TSGA10: variants seen among roughly 807,000 people sequenced by gnomAD.
The protein encoded by TSGA10 is testis specific 10.
A neutral mutation model predicts 96.6 loss-of-function variants in TSGA10; 43 were observed. The ratio of observed to expected loss-of-function variants is 0.44; its 90% CI spans 0.35 to 0.57. The LOEUF is 0.57. TSGA10 is among the 20% of genes least tolerant of loss of function. TSGA10 has a pLI of 0.01. For synonymous variants in TSGA10, 229 were observed against 269.9 expected (o/e 0.85, Z 1.48); for missense variants, 703 against 834.4 (o/e 0.84, Z 1.94).
At chr2:99,143,011 A>G (rs1291730474) in intron 1 of TSGA10, among the ~76,000 whole-genome samples, 1 of 151,398 alleles carries the variant, frequency 6.6e-6, no homozygotes, top group Non-Finnish European at 1.5e-5. Context: ...GGGTGAAAAG[A>G]TTTTCCTTTT....
At chr2:99,127,864 T>C (rs2092910108) in intron 1 of TSGA10, among the ~76,000 whole-genome samples, 1 of 152,224 alleles carries the variant, frequency 6.6e-6, no homozygotes, top group South Asian at 2.1e-4. Context: ...ACATAGCTTC[T>C]GTTCAAATAA....
intron 10 of TSGA10, among the ~76,000 whole-genome samples, chr2:99,098,480 A>G (rs1025266299): frequency 1.3e-5 from 2 of 150,852 alleles, no homozygotes; most frequent in Non-Finnish European, 3.0e-5. Flanking sequence ...AGAAAAAAGA[A>G]AAAAAGGCCT....
chr2:99,127,027 T>C, intron 2 of TSGA10, 21 bp downstream of exon 2: 1 of 1,284,742 alleles, frequency 7.8e-7, no homozygotes, highest in Non-Finnish European at 1.0e-6. Flanking sequence ...GTCAGGAAAA[T>C]ATGTTGTAAC....
At chr2:99,126,800 C>G (rs2092851773) in intron 2 of TSGA10, 1 of 184,548 alleles carries the variant, frequency 5.4e-6, no homozygotes, top group South Asian at 9.8e-5. Flanking sequence ...CACTTTTTCG[C>G]AAGTTGGGGA....
rs1206924095 is a variant in TSGA10, at chr2:99,068,982, A to C, written c.1124T>G (p.Leu375Trp). Residue 375 changes from leucine to tryptophan, a missense_variant, in exon 15 of 21, where the codon TTG becomes TGG. Around this residue, in one of 3 missense-constraint regions of TSGA10, gnomAD observed 585 missense variants for 656.8 expected, o/e 0.89. Transcript: ENST00000393483. Reference protein sequence around the residue: ...KQENQALSKKLNDTHNELNDI... With the variant: ...KQENQALSKKWNDTHNELNDI... ...ATTAAGTTCATTATGAGTGTCATTC[A>C]ATTTTTTGGACAGTGCCTACGAAAA... is the stretch of plus-strand genomic sequence containing the variant. 1.4e-6 allele frequency: 2 copies of C among 1,464,008 alleles called. No homozygotes were observed. The highest frequency in any genetic ancestry group is 2.7e-5 in the Admixed American group (1 of 36,928). The allele number at this position is 1,464,008 out of a possible 1,614,324, so 90.7% of individuals were successfully genotyped here. A position where few individuals can be genotyped will look rare whatever the true frequency, so the allele number is the denominator to read the frequency against.
chr2:99,006,087 T>C (rs1251274050), intron 20 of TSGA10, among the ~76,000 whole-genome samples: 7 of 152,238 alleles, frequency 4.6e-5, no homozygotes, highest in Admixed American at 1.3e-4. Flanking sequence ...ACTGGCTAGC[T>C]GTATGTAGAA....
At chr2:99,077,462 GATATTTGT>G (rs2086853586) in intron 12 of TSGA10, among the ~76,000 whole-genome samples, 1 of 152,178 alleles carries the variant, frequency 6.6e-6, no homozygotes, top group Admixed American at 6.5e-5. Context: ...TTTTGCTTAA[GATATTTGT>G]GAAAACAGCT....
intron 2 of TSGA10, among the ~76,000 whole-genome samples, chr2:99,119,020 A>C (rs1288838011): frequency 1.3e-5 from 2 of 152,166 alleles, no homozygotes; most frequent in African/African-American, 4.8e-5. Context: ...CAGAAGTTTC[A>C]GTCTGTAAGG....
intron 7 of TSGA10, among the ~76,000 whole-genome samples, chr2:99,107,335 CA>C (rs910088183): frequency 3.7e-4 from 56 of 152,076 alleles, no homozygotes; most frequent in African/African-American, 1.3e-3. Flanking sequence ...TCAATTCTCT[CA>C]AAGGAGAAAT....
intron 20 of TSGA10, among the ~76,000 whole-genome samples, chr2:99,002,147 T>C (rs1182170046): frequency 6.6e-6 from 1 of 152,138 alleles, no homozygotes; most frequent in African/African-American, 2.4e-5. Flanking sequence ...GCTACAAAGA[T>C]ACTCCTCGAG....
intron 16 of TSGA10, among the ~76,000 whole-genome samples, chr2:99,037,087 T>A (rs2081698067): frequency 6.6e-6 from 1 of 152,118 alleles, no homozygotes; most frequent in Non-Finnish European, 1.5e-5. Flanking sequence ...AACTGACAGA[T>A]CAAGCAGGCA....
intron 5 of TSGA10, among the ~76,000 whole-genome samples, chr2:99,110,297 C>T (rs2091685754): frequency 6.6e-6 from 1 of 152,170 alleles, no homozygotes; most frequent in Non-Finnish European, 1.5e-5. Context: ...CACAAATTTG[C>T]ATTCACTTTC....
At chr2:99,044,890 A>C (rs1174430555) in intron 16 of TSGA10, among the ~76,000 whole-genome samples, 1 of 152,182 alleles carries the variant, frequency 6.6e-6, no homozygotes, top group East Asian at 1.9e-4. Flanking sequence ...TCAAAACCGC[A>C]CAACTACATG....
At chr2:99,080,115 ACTT>A (rs1351125963) in intron 11 of TSGA10, among the ~76,000 whole-genome samples, 3 of 152,142 alleles carry the variant, frequency 2.0e-5, no homozygotes, top group Non-Finnish European at 4.4e-5. Flanking sequence ...TAATAGCCAA[ACTT>A]CTTGAGAGAC....
chr2:99,020,373 C>T lies in TSGA10; in HGVS notation c.1724G>A (p.Arg575Gln), dbSNP rs368503596. ...QNLEALLVAN[R>Q]DKEYQSQIAL... ...TATCTGAGACTGATATTCTTTGTCT[C>T]GATTGGCCACCAGCAAAGCTTCTAG... The change falls in exon 18 of 21, where the codon CGA (arginine) becomes CAA (glutamine). Residue 575 changes from arginine (R) to glutamine (Q), a missense_variant. Arg to Gln is a conservative substitution (Grantham distance 43). This residue lies in a region of TSGA10 where 49 missense variants were observed against 96.4 expected (regional missense o/e 0.51). Transcript: ENST00000393483. 24 of 1,613,866 alleles carry T rather than the reference C, an allele frequency of 1.5e-5. No individual in the cohort carries two copies. The highest frequency in any genetic ancestry group is 1.7e-4 in the Middle Eastern group (1 of 6,058).
At chr2:99,013,965 CAACATGGTG>C (rs2079251865) in intron 20 of TSGA10, among the ~76,000 whole-genome samples, 1 of 151,998 alleles carries the variant, frequency 6.6e-6, no homozygotes, top group South Asian at 2.1e-4. Context: ...CCAGCCTGGA[CAACATGGTG>C]AAACCCTGAC....
chr2:99,037,379 A>C (rs908711377), intron 16 of TSGA10, among the ~76,000 whole-genome samples: 1 of 152,212 alleles, frequency 6.6e-6, no homozygotes, highest in Non-Finnish European at 1.5e-5. Context: ...AAATTTAACA[A>C]CATACTTCTA....
intron 1 of TSGA10, chr2:99,150,639 A>G (rs753167451): frequency 3.7e-6 from 6 of 1,614,110 alleles, no homozygotes; most frequent in Non-Finnish European, 5.1e-6. Context: ...ACTTAATACG[A>G]GGGACTGAAA....
chr2:99,122,615 CAAAAAAAAAAA>C (rs148224475), intron 2 of TSGA10, among the ~76,000 whole-genome samples: 4 of 53,272 alleles, frequency 7.5e-5, no homozygotes, highest in Admixed American at 4.6e-4. Flanking sequence ...CCATCTCTAC[CAAAAAAAAAAA>C]AAAAAAAAAA....
Sources: allele counts gnomAD v4.1 joint callset (sites outside exome capture counted in the v4.1 genomes callset), GRCh38; gene constraint gnomAD v4.1.1; regional missense constraint gnomAD v4.1.1; transcripts MANE v1.5; gene names NCBI Gene and HGNC (gene_info 2026-07-23, HGNC 2026-07-21).